KCNMB2: variants seen among roughly 807,000 people sequenced by gnomAD.
KCNMB2 encodes potassium calcium-activated channel subfamily M regulatory beta subunit 2.
Under a neutral mutation model 24.5 loss-of-function variants are expected in KCNMB2, and 9 were observed. That is an observed-to-expected ratio of 0.37 (90% CI 0.22 to 0.64). KCNMB2 has a LOEUF of 0.64. Ranked by LOEUF, KCNMB2 falls within the 30% of genes least tolerant of loss-of-function variation. The pLI is 0.63. For synonymous variants in KCNMB2, 109 were observed against 104.4 expected (o/e 1.04, Z -0.27); for missense variants, 226 against 284.3 (o/e 0.79, Z 1.47).
chr3:178,621,601 C>T (rs1718923437), intron 1 of KCNMB2, among the ~76,000 whole-genome samples: 3 of 152,142 alleles, frequency 2.0e-5, no homozygotes, highest in South Asian at 2.1e-4. Context: ...TTTACTCCCT[C>T]GCAGCACCTT....
chr3:178,800,895 C>T (rs1713748729), intron 1 of KCNMB2, among the ~76,000 whole-genome samples: 1 of 152,044 alleles, frequency 6.6e-6, no homozygotes, highest in African/African-American at 2.4e-5. Flanking sequence ...AACTTGAGGT[C>T]ATTATATTAC....
At chr3:178,711,992 T>C (rs1259675624) in intron 1 of KCNMB2, among the ~76,000 whole-genome samples, 1 of 152,218 alleles carries the variant, frequency 6.6e-6, no homozygotes, top group Non-Finnish European at 1.5e-5. Context: ...CTCAGTTCCA[T>C]CCTCTCTCTG....
At position 178,654,382 on chromosome 3, in the gene KCNMB2, T is replaced by A. The variant is rs1032143523; in HGVS notation, c.-68+117671T>A. Among the ~76,000 whole-genome samples the A allele has an allele frequency of 2.6e-4, 39 of 152,028 alleles. 1 individual carries two copies. Among genetic ancestry groups the A allele is most frequent in the African/African-American group, 9.2e-4 (38 of 41,388 alleles). On this transcript the variant is annotated intron_variant, in intron 1 of 4. Transcript: ENST00000452583. Reference sequence around the variant, plus strand: ...ATGAGGGACATAGATAAAATAATATTTACAGGAAAATTTACAGCTTTGAAT... The same window carrying A: ...ATGAGGGACATAGATAAAATAATATATACAGGAAAATTTACAGCTTTGAAT...
At chr3:178,544,311 G>C (rs1229538465) in intron 1 of KCNMB2, among the ~76,000 whole-genome samples, 4 of 152,062 alleles carry the variant, frequency 2.6e-5, no homozygotes, top group South Asian at 2.1e-4. Flanking sequence ...GCCCACATCA[G>C]ATGCTCTTTC....
intron 1 of KCNMB2, among the ~76,000 whole-genome samples, chr3:178,542,991 C>T (rs1268963752): frequency 6.6e-6 from 1 of 152,146 alleles, no homozygotes; most frequent in African/African-American, 2.4e-5. Context: ...ATGCTTGGCA[C>T]AAATTAGTGC....
intron 1 of KCNMB2, among the ~76,000 whole-genome samples, chr3:178,779,376 T>C (rs1043229165): frequency 1.3e-5 from 2 of 152,204 alleles, no homozygotes; most frequent in African/African-American, 4.8e-5. Context: ...TTAGAGATGA[T>C]GGGAAGCCAT....
In KCNMB2 at chr3:178,749,094, C is replaced by T. The variant is rs562733019; in HGVS notation, c.-67-58249C>T. 8 of 152,194 alleles carry T rather than the reference C, an allele frequency of 5.3e-5. No individual in the cohort carries two copies. The South Asian group carries it at 1.5e-3, about 28-fold the overall frequency. 9.4% of individuals were successfully genotyped at this position (152,194 alleles called of 1,614,324 possible). Reference sequence around the variant, plus strand: ...TTTAGTGGTTTCAACAGCATGGTCCCGAGAGTCTGACAAACCTCAGTTCAA... The same window carrying T: ...TTTAGTGGTTTCAACAGCATGGTCCTGAGAGTCTGACAAACCTCAGTTCAA... On this transcript the variant is annotated intron_variant, in intron 1 of 4. Coordinates refer to ENST00000452583, the MANE Select transcript of KCNMB2 (RefSeq NM_181361.3).
intron 1 of KCNMB2, among the ~76,000 whole-genome samples, chr3:178,643,858 C>A (rs1005503081): frequency 6.6e-6 from 1 of 152,212 alleles, no homozygotes; most frequent in Non-Finnish European, 1.5e-5. Flanking sequence ...TGTCTGAGAA[C>A]GCCAACTCTG....
At chr3:178,617,734 A>AC (rs1469555893) in intron 1 of KCNMB2, among the ~76,000 whole-genome samples, 2 of 151,224 alleles carry the variant, frequency 1.3e-5, no homozygotes, top group Admixed American at 1.3e-4. Context: ...CTAAAAACAC[A>AC]AAAAAAATTA....
intron 1 of KCNMB2, among the ~76,000 whole-genome samples, chr3:178,762,550 T>C (rs538797437): frequency 6.6e-6 from 1 of 152,110 alleles, no homozygotes; most frequent in Non-Finnish European, 1.5e-5. Flanking sequence ...TATTTTAAAA[T>C]GCCTCTCCAT....
At chr3:178,758,004 T>G (rs1460647668) in intron 1 of KCNMB2, among the ~76,000 whole-genome samples, 3 of 6,120 alleles carry the variant, frequency 4.9e-4, no homozygotes, top group African/African-American at 1.1e-3. Flanking sequence ...TATATCTAGA[T>G]ATATATATAT....
At chr3:178,582,575 T>C (rs1289468382) in intron 1 of KCNMB2, among the ~76,000 whole-genome samples, 2 of 152,210 alleles carry the variant, frequency 1.3e-5, no homozygotes, top group African/African-American at 4.8e-5. Flanking sequence ...AGACATGTCA[T>C]GTAATTACAA....
At chr3:178,582,247 C>A (rs1225377125) in intron 1 of KCNMB2, among the ~76,000 whole-genome samples, 1 of 152,166 alleles carries the variant, frequency 6.6e-6, no homozygotes, top group Non-Finnish European at 1.5e-5. Flanking sequence ...TCACTCTCAG[C>A]AAACTAACAC....
chr3:178,583,959 C>A (rs148547145), intron 1 of KCNMB2, among the ~76,000 whole-genome samples: 3 of 152,282 alleles, frequency 2.0e-5, no homozygotes, highest in Non-Finnish European at 2.9e-5. Context: ...CCACACTAAG[C>A]TATCTTCCCT....
chr3:178,727,595 A>C (rs1723005788), intron 1 of KCNMB2, among the ~76,000 whole-genome samples: 1 of 152,180 alleles, frequency 6.6e-6, no homozygotes, highest in African/African-American at 2.4e-5. Context: ...GACATGACTA[A>C]GGAAGAAAAG....
At chr3:178,616,181 C>A (rs974633484) in intron 1 of KCNMB2, among the ~76,000 whole-genome samples, 1 of 152,112 alleles carries the variant, frequency 6.6e-6, no homozygotes, top group African/African-American at 2.4e-5. Context: ...CAGCTGATGT[C>A]TTAGTAAGTC....
intron 1 of KCNMB2, among the ~76,000 whole-genome samples, chr3:178,583,629 A>G (rs1717296187): frequency 6.6e-6 from 1 of 152,202 alleles, no homozygotes; most frequent in Non-Finnish European, 1.5e-5. Flanking sequence ...TTTCCTTTTC[A>G]CAGCTAAAAT....
chr3:178,721,612 T>G lies in KCNMB2; in HGVS notation c.-67-85731T>G, dbSNP rs185389184. Among the ~76,000 whole-genome samples the G allele has an allele frequency of 2.4e-3, 362 of 152,342 alleles. 3 individuals carry two copies. Among genetic ancestry groups the G allele is most frequent in the Middle Eastern group, 0.01 (3 of 294 alleles). On this transcript the variant is annotated intron_variant, in intron 1 of 4. Transcript: ENST00000452583. The stretch of plus-strand genomic sequence containing the variant: ...CCCCAGAGCGCAATTACTGGGTTCA[T>G]GTCATAAGTGTATGTTTAACTTTGT...
intron 1 of KCNMB2, among the ~76,000 whole-genome samples, chr3:178,675,612 A>G (rs1213524160): frequency 6.6e-6 from 1 of 152,220 alleles, no homozygotes; most frequent in Non-Finnish European, 1.5e-5. Flanking sequence ...AATATGAAAA[A>G]TCTTTGATCA....
Sources: allele counts gnomAD v4.1 joint callset (sites outside exome capture counted in the v4.1 genomes callset), GRCh38; gene constraint gnomAD v4.1.1; transcripts MANE v1.5; gene names NCBI Gene and HGNC (gene_info 2026-07-23, HGNC 2026-07-21).